CMTM8: variants seen among roughly 807,000 people sequenced by gnomAD.
CMTM8 encodes CKLF like MARVEL transmembrane domain containing 8.
A neutral mutation model predicts 18.6 loss-of-function variants in CMTM8; 12 were observed. The ratio of observed to expected loss-of-function variants is 0.65; its 90% CI spans 0.41 to 1.05. CMTM8 has a LOEUF of 1.05. Ranked by LOEUF, CMTM8 falls within the 50% of genes least tolerant of loss-of-function variation. The probability of loss-of-function intolerance (pLI) is 0.00; values close to 1 mark genes in which losing one functional copy is unlikely to be tolerated. For missense variants in CMTM8, 217 were observed against 227.2 expected, an observed-to-expected ratio of 0.95 and a Z score of 0.29; for synonymous variants, 87 against 90.6, an observed-to-expected ratio of 0.96 and a Z score of 0.23.
At chr3:32,287,256 C>T (rs1277498064) in intron 1 of CMTM8, among the ~76,000 whole-genome samples, 1 of 152,214 alleles carries the variant, frequency 6.6e-6, no homozygotes, top group East Asian at 1.9e-4. Context: ...CATCTACATT[C>T]TTTCAGACAC....
chr3:32,289,722 A>G (rs919289478), intron 1 of CMTM8, among the ~76,000 whole-genome samples: 1 of 152,220 alleles, frequency 6.6e-6, no homozygotes, highest in African/African-American at 2.4e-5. Context: ...ATGAAACATT[A>G]GAAGCTTTCT....
chr3:32,360,000 A>G (rs562354713), intron 2 of CMTM8, among the ~76,000 whole-genome samples: 39 of 152,252 alleles, frequency 2.6e-4, no homozygotes, highest in Admixed American at 2.2e-3. Context: ...GTAGGTAGGA[A>G]CTACAACCAG....
intron 1 of CMTM8, 103 bp downstream of exon 1, chr3:32,239,222 C>G: frequency 1.5e-6 from 2 of 1,306,632 alleles, no homozygotes; most frequent in Non-Finnish European, 1.0e-6. Flanking sequence ...TTCCCGCGGG[C>G]TTTAGGGAAC....
intron 1 of CMTM8, among the ~76,000 whole-genome samples, chr3:32,328,693 T>C (rs970108843): frequency 5.9e-5 from 9 of 151,950 alleles, no homozygotes; most frequent in African/African-American, 2.2e-4. Context: ...CAAAGTATCA[T>C]AAAAGACTAC....
At chr3:32,240,961 A>G in intron 1 of CMTM8, among the ~76,000 whole-genome samples, 1 of 151,450 alleles carries the variant, frequency 6.6e-6, no homozygotes, top group Non-Finnish European at 1.5e-5. Flanking sequence ...ATAATTTTTA[A>G]TTTTTTTCTA....
intron 1 of CMTM8, among the ~76,000 whole-genome samples, chr3:32,280,622 C>T (rs967041913): frequency 5.9e-5 from 9 of 151,926 alleles, no homozygotes; most frequent in South Asian, 2.1e-4. Context: ...AGTGTGCTTT[C>T]GTTTCAAAAA....
At chr3:32,289,268 T>G (rs533531993) in intron 1 of CMTM8, among the ~76,000 whole-genome samples, 115 of 152,340 alleles carry the variant, frequency 7.5e-4, no homozygotes, top group African/African-American at 2.0e-3. Flanking sequence ...AACCTTCTCT[T>G]TAAAAATTCT....
At chr3:32,333,385 G>A (rs147993172) in intron 1 of CMTM8, among the ~76,000 whole-genome samples, 13 of 152,236 alleles carry the variant, frequency 8.5e-5, no homozygotes, top group South Asian at 2.1e-4. Context: ...CCAACAGCAC[G>A]GGCATCACCA....
At chr3:32,298,939 A>T (rs866815852) in intron 1 of CMTM8, among the ~76,000 whole-genome samples, 1 of 69,554 alleles carries the variant, frequency 1.4e-5, no homozygotes, top group Non-Finnish European at 3.2e-5. Flanking sequence ...ATATATATAT[A>T]TGTATATATA....
chr3:32,363,153 C>G (rs1041938236), intron 2 of CMTM8, among the ~76,000 whole-genome samples: 2 of 151,998 alleles, frequency 1.3e-5, no homozygotes, highest in African/African-American at 4.8e-5. Flanking sequence ...AGGTTTAATC[C>G]CTATAAGAGA....
At chr3:32,258,266 C>T (rs966589677) in intron 1 of CMTM8, among the ~76,000 whole-genome samples, 4 of 152,150 alleles carry the variant, frequency 2.6e-5, no homozygotes, top group African/African-American at 4.8e-5. Flanking sequence ...TCTCACTGCT[C>T]CAGACTGCTG....
At chr3:32,357,887 C>T (rs56004541) in intron 2 of CMTM8, among the ~76,000 whole-genome samples, 11,896 of 152,196 alleles carry the variant, frequency 0.078, 667 homozygotes, top group African/African-American at 0.16. Context: ...TATGCCAGGG[C>T]GCCAACCTCT....
intron 1 of CMTM8, among the ~76,000 whole-genome samples, chr3:32,351,473 C>CTTAT (rs1559387151): frequency 1.3e-5 from 2 of 152,090 alleles, no homozygotes; most frequent in Non-Finnish European, 2.9e-5. Flanking sequence ...TTTGGGAGAC[C>CTTAT]ATGGCAGGAG....
intron 1 of CMTM8, among the ~76,000 whole-genome samples, chr3:32,252,405 G>A (rs921575852): frequency 6.6e-6 from 1 of 152,114 alleles, no homozygotes; most frequent in African/African-American, 2.4e-5. Context: ...GAATCAATGT[G>A]TCTTAAATTC....
chr3:32,284,546 T>C (rs1309361460), intron 1 of CMTM8, among the ~76,000 whole-genome samples: 1 of 152,178 alleles, frequency 6.6e-6, no homozygotes, highest in Non-Finnish European at 1.5e-5. Context: ...AAAATCCGAG[T>C]AGCCAACTAT....
chr3:32,278,178 C>T (rs1702547541), intron 1 of CMTM8, among the ~76,000 whole-genome samples: 2 of 152,188 alleles, frequency 1.3e-5, no homozygotes, highest in South Asian at 4.1e-4. Context: ...CAAGATCCAA[C>T]CTGGAAGTTA....
rs117908420 is a variant in CMTM8 at position 32,357,414 on chromosome 3, G to A, written c.189G>A (p.Glu63=). 20 of 1,613,992 alleles carry A rather than the reference G, an allele frequency of 1.2e-5. No individual in the cohort carries two copies. The East Asian group carries it at 4.5e-4, about 36-fold the overall frequency. The change falls in exon 2 of 4, where the codon GAG becomes GAA. Residue 63 remains glutamate, a synonymous_variant. Transcript: ENST00000307526. ...TATGGACGCTTATTGCTGGAACTGA[G>A]TACTTCCGGGTCCCCGCATTTGGCT... The part of the protein sequence containing the change: ...LLVWTLIAGT[E]YFRVPAFGWV...
At chr3:32,283,995 A>G (rs1262019485) in intron 1 of CMTM8, among the ~76,000 whole-genome samples, 7 of 152,248 alleles carry the variant, frequency 4.6e-5, no homozygotes, top group Non-Finnish European at 1.0e-4. Flanking sequence ...TCACGCCTGT[A>G]ATTCCAGCAC....
At chr3:32,316,188 C>T (rs1249886783) in intron 1 of CMTM8, among the ~76,000 whole-genome samples, 4 of 152,012 alleles carry the variant, frequency 2.6e-5, no homozygotes, top group Admixed American at 6.6e-5. Flanking sequence ...CCACCAAGCC[C>T]GGCTAATTTT....
Sources: gnomAD v4.1 joint callset for allele counts (sites outside exome capture counted in the v4.1 genomes callset) on GRCh38, gnomAD v4.1.1 for gene constraint, MANE v1.5 for transcripts, NCBI Gene and HGNC (gene_info 2026-07-23, HGNC 2026-07-21) for gene names.